Variants in LRP1B observed in about 807,000 individuals in gnomAD.
LRP1B encodes LDL receptor related protein 1B, also known as low-density lipoprotein receptor-related protein 1B.
LRP1B carries 217 observed loss-of-function variants against 556.6 expected under a neutral mutation model. The ratio of observed to expected loss-of-function variants is 0.39; its 90% CI spans 0.35 to 0.44. The LOEUF (loss-of-function observed/expected upper bound fraction) is 0.44. Among genes scored for constraint, LRP1B ranks in the 20% least tolerant of loss-of-function variants. LRP1B has a pLI of 1.00. For synonymous variants in LRP1B, 2,047 were observed against 1,865.8 expected (o/e 1.10, Z -2.50); for missense variants, 5,053 against 5,620.8 (o/e 0.90, Z 3.23).
At chr2:140,639,222 A>G (rs1428957559) in intron 41 of LRP1B, among the ~76,000 whole-genome samples, 1 of 152,222 alleles carries the variant, frequency 6.6e-6, no homozygotes. Flanking sequence ...TACCTTAAGT[A>G]CCACTCCAAA....
At chr2:142,092,662 G>T (rs954514487) in intron 1 of LRP1B, among the ~76,000 whole-genome samples, 4 of 151,636 alleles carry the variant, frequency 2.6e-5, no homozygotes, top group African/African-American at 4.8e-5. Flanking sequence ...TTTTGTATGG[G>T]ACTCTTACTA....
chr2:141,512,545 A>G (rs1420742247), intron 2 of LRP1B, among the ~76,000 whole-genome samples: 1 of 152,212 alleles, frequency 6.6e-6, no homozygotes, highest in Non-Finnish European at 1.5e-5. Flanking sequence ...CCTCCAGCTT[A>G]GTTCCTGAAT....
intron 3 of LRP1B, among the ~76,000 whole-genome samples, chr2:141,347,150 G>T (rs2105529892): frequency 6.6e-6 from 1 of 152,074 alleles, no homozygotes; most frequent in Non-Finnish European, 1.5e-5. Flanking sequence ...TACTTTTTGG[G>T]TTTTTTAACT....
At chr2:141,366,871 C>A (rs1425167245) in intron 3 of LRP1B, among the ~76,000 whole-genome samples, 1 of 152,162 alleles carries the variant, frequency 6.6e-6, no homozygotes, top group African/African-American at 2.4e-5. Flanking sequence ...TAGTTAGACT[C>A]GATCTTTGGT....
chr2:140,766,520 C>T (rs80286222), intron 35 of LRP1B, among the ~76,000 whole-genome samples: 2,534 of 151,904 alleles, frequency 0.017, 34 homozygotes, highest in Non-Finnish European at 0.025. Context: ...ATTAGGGTTT[C>T]AGTTAGTTCA....
rs12692046 is a variant in LRP1B, at chr2:140,306,095, T to C, written c.12806-8126A>G. Among the ~76,000 whole-genome samples, 2 of 109,258 alleles carry C rather than the reference T, an allele frequency of 1.8e-5. 1 individual carries two copies. The highest frequency in any genetic ancestry group is 4.6e-4 in the East Asian group (2 of 4,314). The allele number at this position is 109,258 out of a possible 152,430, so 71.7% of individuals were successfully genotyped here. On this transcript the variant is annotated intron_variant, in intron 83 of 90. Coordinates refer to ENST00000389484, the MANE Select transcript of LRP1B (RefSeq NM_018557.3). ...GATTTTTGCATCGATATTCATCAGG[T>C]ATATTGGTCTAACATTCTCTTTTTT... is the stretch of plus-strand genomic sequence containing the variant.
intron 18 of LRP1B, among the ~76,000 whole-genome samples, chr2:140,964,370 T>C (rs1256577903): frequency 6.6e-6 from 1 of 151,930 alleles, no homozygotes; most frequent in African/African-American, 2.4e-5. Flanking sequence ...CCACAAGAGG[T>C]GGAGGAGCAG....
intron 1 of LRP1B, among the ~76,000 whole-genome samples, chr2:142,063,683 ACT>A (rs1705000845): frequency 6.6e-6 from 1 of 151,652 alleles, no homozygotes; most frequent in South Asian, 2.1e-4. Context: ...GAAATTTTAA[ACT>A]TAACTTTGAA....
chr2:141,157,793 C>T (rs1293672187), intron 7 of LRP1B, among the ~76,000 whole-genome samples: 2 of 152,040 alleles, frequency 1.3e-5, no homozygotes, highest in Non-Finnish European at 2.9e-5. Flanking sequence ...GGAACTTTTT[C>T]CATGAACTTA....
chr2:140,803,714 A>G (rs1022490377), intron 32 of LRP1B, among the ~76,000 whole-genome samples: 1 of 152,152 alleles, frequency 6.6e-6, no homozygotes, highest in Non-Finnish European at 1.5e-5. Flanking sequence ...GTATTTCTAT[A>G]ACATTTCTAG....
At chr2:141,590,228 T>C (rs545799655) in intron 2 of LRP1B, among the ~76,000 whole-genome samples, 1 of 152,328 alleles carries the variant, frequency 6.6e-6, no homozygotes, top group East Asian at 1.9e-4. Flanking sequence ...TGAGTTGTTC[T>C]TTCTTTTTTA....
intron 43 of LRP1B, among the ~76,000 whole-genome samples, 170 bp downstream of exon 43, chr2:140,598,461 C>G (rs1370114541): frequency 6.6e-6 from 1 of 152,162 alleles, no homozygotes; most frequent in African/African-American, 2.4e-5. Context: ...TTTCAAAATA[C>G]TATCCACAAT....
chr2:141,796,951 G>T (rs1695833411), intron 2 of LRP1B, among the ~76,000 whole-genome samples: 1 of 151,226 alleles, frequency 6.6e-6, no homozygotes, highest in Non-Finnish European at 1.5e-5. Flanking sequence ...GTAAAAGAAA[G>T]ATTGGATGAA....
chr2:141,742,430 T>G (rs1404741242), intron 2 of LRP1B, among the ~76,000 whole-genome samples: 2 of 151,932 alleles, frequency 1.3e-5, no homozygotes, highest in Non-Finnish European at 2.9e-5. Context: ...TTTTTTGTCT[T>G]TTTAGTAGAG....
At chr2:141,680,777 G>A (rs1691072142) in intron 2 of LRP1B, among the ~76,000 whole-genome samples, 1 of 152,132 alleles carries the variant, frequency 6.6e-6, no homozygotes, top group African/African-American at 2.4e-5. Flanking sequence ...TGAATCTATG[G>A]TGTTATCAAT....
chr2:140,931,636 G>A (rs1185580205), intron 20 of LRP1B, among the ~76,000 whole-genome samples: 40 of 152,108 alleles, frequency 2.6e-4, no homozygotes, highest in South Asian at 2.1e-4. Flanking sequence ...AGAGTAAGTC[G>A]AAACGGAAGT....
At chr2:140,514,947 C>T (rs1689826508) in intron 50 of LRP1B, among the ~76,000 whole-genome samples, 175 bp from the exon 51 acceptor site, 2 of 151,908 alleles carry the variant, frequency 1.3e-5, no homozygotes, top group Admixed American at 1.3e-4. Flanking sequence ...CTTGCATATT[C>T]CCTCTGTGTT....
intron 23 of LRP1B, among the ~76,000 whole-genome samples, chr2:140,894,360 A>T (rs1010750111): frequency 6.6e-6 from 1 of 152,192 alleles, no homozygotes; most frequent in Non-Finnish European, 1.5e-5. Flanking sequence ...TGCCATTATC[A>T]TTAGAACATA....
intron 35 of LRP1B, among the ~76,000 whole-genome samples, chr2:140,728,640 T>G (rs1468041200): frequency 6.6e-6 from 1 of 152,170 alleles, no homozygotes. Context: ...AAGTAAGATA[T>G]ACTTTAAAAA....
Sources: allele counts gnomAD v4.1 joint callset (sites outside exome capture counted in the v4.1 genomes callset), GRCh38; gene constraint gnomAD v4.1.1; transcripts MANE v1.5; gene names NCBI Gene and HGNC (gene_info 2026-07-23, HGNC 2026-07-21).